Variants in KANK4 observed in about 807,000 individuals in gnomAD.
KANK4 encodes KN motif and ankyrin repeat domains 4.
KANK4 carries 50 observed loss-of-function variants against 80.8 expected under a neutral mutation model. The ratio of observed to expected loss-of-function variants is 0.62; its 90% CI spans 0.49 to 0.78. The LOEUF (loss-of-function observed/expected upper bound fraction) is 0.78. KANK4 is among the 30% of genes least tolerant of loss of function. KANK4 has a pLI of 0.00. For missense variants in KANK4, 1,196 were observed against 1,240.1 expected (o/e 0.96, Z 0.53); for synonymous variants, 465 against 506.9 (o/e 0.92, Z 1.11).
At chr1:62,244,017 C>G (rs1671408194) in intron 9 of KANK4, among the ~76,000 whole-genome samples, 2 of 151,900 alleles carry the variant, frequency 1.3e-5, no homozygotes, top group Non-Finnish European at 2.9e-5. Flanking sequence ...AGTTACCATC[C>G]CCTGTGTGCT....
intron 1 of KANK4, among the ~76,000 whole-genome samples, chr1:62,288,681 A>G (rs978737016): frequency 7.7e-6 from 1 of 129,234 alleles, no homozygotes; most frequent in African/African-American, 3.2e-5. Flanking sequence ...AAGCTGGGCC[A>G]GTTGTAGGGA....
chr1:62,315,848 G>C (rs915921149), intron 1 of KANK4, among the ~76,000 whole-genome samples: 4 of 152,184 alleles, frequency 2.6e-5, no homozygotes, highest in African/African-American at 9.7e-5. Context: ...AGGAGTAAAA[G>C]TTGCCTCTTC....
chr1:62,258,242 A>G (rs973651735), intron 7 of KANK4, among the ~76,000 whole-genome samples: 1 of 152,168 alleles, frequency 6.6e-6, no homozygotes, highest in African/African-American at 2.4e-5. Context: ...TGTATATCAC[A>G]CTAAGCCCAG....
At position 62,273,755 on chromosome 1, in the gene KANK4, T is replaced by C. The variant is rs1202760336; in HGVS notation, c.1349A>G (p.Glu450Gly). 4 of 1,614,036 alleles carry C rather than the reference T, an allele frequency of 2.5e-6. No homozygotes were observed. In the South Asian group the frequency reaches 4.4e-5, roughly 18 times the overall value. ...TGGCCCCCATAGGAGGCCATTCTCC[T>C]CTCCTCGGTGCCCCCAGCTTTCAGA... ...MESESWGHRG[E>G]ENGLLWGPDG... The change falls in exon 3 of 10, where the codon GAG becomes GGG. Residue 450 changes from glutamate (E) to glycine (G), a missense_variant. Around this residue, in one of 3 missense-constraint regions of KANK4, gnomAD observed 1,154 missense variants for 1,179.6 expected, o/e 0.98. Coordinates refer to ENST00000371153, the MANE Select transcript of KANK4 (RefSeq NM_181712.5).
At chr1:62,258,295 A>T (rs949775603) in intron 7 of KANK4, among the ~76,000 whole-genome samples, 16 of 152,230 alleles carry the variant, frequency 1.1e-4, no homozygotes, top group African/African-American at 3.9e-4. Context: ...TAGCTGCTTT[A>T]TTCACATTCT....
At chr1:62,288,686 TAGGG>T (rs1238519347) in intron 1 of KANK4, among the ~76,000 whole-genome samples, 3 of 128,750 alleles carry the variant, frequency 2.3e-5, no homozygotes, top group Admixed American at 8.0e-5. Context: ...GGGCCAGTTG[TAGGG>T]AGAGAGGAGG....
rs764844196 is a variant in KANK4, at chr1:62,236,352, G to A, written c.*1925C>T. 2.6e-5 allele frequency among the ~76,000 whole-genome samples: 4 copies of A among 152,128 alleles called. No homozygotes were observed. Among genetic ancestry groups the A allele is most frequent in the Admixed American group, 6.5e-5 (1 of 15,270 alleles). On this transcript the variant is annotated 3_prime_UTR_variant, in exon 10 of 10. Coordinates refer to ENST00000371153, the MANE Select transcript of KANK4 (RefSeq NM_181712.5). ...GTGATTTGTATGCACATAAATGTTC[G>A]CGAAGCACCGGGCTAGAACATTTAT...
chr1:62,273,251 G>C lies in KANK4; in HGVS notation c.1853C>G (p.Ala618Gly). Residue 618 changes from alanine (A) to glycine (G), a missense_variant, in exon 3 of 10, where the codon GCT becomes GGT. Physicochemically the swap from Ala to Gly is moderately conservative, Grantham distance 60. Coordinates refer to ENST00000371153, the MANE Select transcript of KANK4 (RefSeq NM_181712.5). ...NLLLSAYSAQ[A>G]HPPKEPPASS... ...GGCCGGTGGCTCCTTGGGTGGGTGAGCCTGGGCCGAGTAGGCCGACAGCAG... is the reference window on the plus strand; with the variant it reads ...GGCCGGTGGCTCCTTGGGTGGGTGACCCTGGGCCGAGTAGGCCGACAGCAG... 1 of 1,543,034 alleles carries C rather than the reference G, an allele frequency of 6.5e-7. No homozygotes were observed. The highest frequency in any genetic ancestry group is 8.7e-7 in the Non-Finnish European group (1 of 1,143,756).
At chr1:62,297,386 T>C in intron 1 of KANK4, among the ~76,000 whole-genome samples, 1 of 152,218 alleles carries the variant, frequency 6.6e-6, no homozygotes, top group Non-Finnish European at 1.5e-5. Context: ...TGCTATTATA[T>C]CCTTTTCACA....
At chr1:62,280,226 G>A (rs1228623899) in intron 2 of KANK4, among the ~76,000 whole-genome samples, 1 of 152,142 alleles carries the variant, frequency 6.6e-6, no homozygotes, top group Non-Finnish European at 1.5e-5. Context: ...GACAGGGAGG[G>A]AAGCCTTCCC....
intron 1 of KANK4, among the ~76,000 whole-genome samples, chr1:62,314,142 T>G (rs1185195236): frequency 6.6e-6 from 1 of 152,116 alleles, no homozygotes; most frequent in Non-Finnish European, 1.5e-5. Context: ...GCCTCCTGAG[T>G]AGCTGGGATT....
At chr1:62,288,217 G>T (rs1450420868) in intron 1 of KANK4, among the ~76,000 whole-genome samples, 1 of 152,178 alleles carries the variant, frequency 6.6e-6, no homozygotes, top group Non-Finnish European at 1.5e-5. Context: ...AGAATCACGG[G>T]ACTGGAGGGA....
chr1:62,246,747 A>G (rs1184060678), intron 9 of KANK4, among the ~76,000 whole-genome samples: 1 of 149,082 alleles, frequency 6.7e-6, no homozygotes, highest in Non-Finnish European at 1.5e-5. Flanking sequence ...ACAGGCGTGC[A>G]CCACCATACC....
chr1:62,241,436 T>A (rs1201352441), intron 9 of KANK4, among the ~76,000 whole-genome samples: 1 of 152,204 alleles, frequency 6.6e-6, no homozygotes, highest in Admixed American at 6.5e-5. Context: ...AAAGCCCTCA[T>A]GACTCCCTGG....
chr1:62,289,183 C>T (rs1408825306), intron 1 of KANK4, among the ~76,000 whole-genome samples: 1 of 152,142 alleles, frequency 6.6e-6, no homozygotes, highest in African/African-American at 2.4e-5. Context: ...CTTTACTGGC[C>T]TAACCAGAAA....
At chr1:62,313,873 T>A (rs1434669903) in intron 1 of KANK4, among the ~76,000 whole-genome samples, 1 of 90,814 alleles carries the variant, frequency 1.1e-5, no homozygotes, top group Non-Finnish European at 2.4e-5. Context: ...AAATAATAAA[T>A]TTTTTTTTAA....
At chr1:62,272,241 T>C (rs1457151122) in intron 3 of KANK4, 1 of 152,874 alleles carries the variant, frequency 6.5e-6, no homozygotes, top group Non-Finnish European at 1.5e-5. Flanking sequence ...GGGTTTGATC[T>C]GTTACAACAG....
chr1:62,265,835 G>A (rs3861936), intron 6 of KANK4, among the ~76,000 whole-genome samples: 53,791 of 151,992 alleles, frequency 0.35, 9,935 homozygotes, highest in African/African-American at 0.45. Context: ...GAGCCAATGC[G>A]TATTTTCTTG....
chr1:62,238,853 C>G (rs1472088887), intron 9 of KANK4, among the ~76,000 whole-genome samples: 3 of 152,094 alleles, frequency 2.0e-5, no homozygotes, highest in Admixed American at 6.6e-5. Context: ...TGGTCTCAAA[C>G]TCCTGGGCTG....
Sources: allele counts gnomAD v4.1 joint callset (sites outside exome capture counted in the v4.1 genomes callset), GRCh38; gene constraint gnomAD v4.1.1; regional missense constraint gnomAD v4.1.1; transcripts MANE v1.5; gene names NCBI Gene and HGNC (gene_info 2026-07-23, HGNC 2026-07-21).